Variants in LRRC53 observed in about 807,000 individuals in gnomAD.
The protein encoded by LRRC53 is leucine rich repeat containing 53.
LRRC53 carries 25 observed loss-of-function variants against 13.6 expected under a neutral mutation model. That is an observed-to-expected ratio of 1.83 (90% CI 1.34 to 2.56). The LOEUF is 2.56. LRRC53 is among the 30% of genes most tolerant of loss of function. The probability of loss-of-function intolerance (pLI) is 0.00; values close to 1 mark genes in which losing one functional copy is unlikely to be tolerated. For missense variants in LRRC53, 527 were observed against 275.8 expected (o/e 1.91, Z -6.45); for synonymous variants, 204 against 109.8 (o/e 1.86, Z -5.37).
chr1:74,506,434 T>C (rs1035378315), intron 1 of LRRC53, among the ~76,000 whole-genome samples: 2 of 152,168 alleles, frequency 1.3e-5, no homozygotes, highest in Admixed American at 6.5e-5. Flanking sequence ...CCAAAGCCCA[T>C]GATTTTTTTA....
intron 1 of LRRC53, among the ~76,000 whole-genome samples, chr1:74,486,201 A>AGAGAG (rs1668751420): frequency 7.3e-6 from 1 of 136,412 alleles, no homozygotes; most frequent in East Asian, 2.3e-4. Flanking sequence ...AAATGCTATA[A>AGAGAG]AGAGAGAGAG....
chr1:74,503,083 G>A (rs147812891), intron 1 of LRRC53, among the ~76,000 whole-genome samples: 263 of 152,004 alleles, frequency 1.7e-3, no homozygotes, highest in African/African-American at 5.9e-3. Flanking sequence ...CTCATTAAAC[G>A]TACTCTCCAC....
chr1:74,487,586 G>A (rs116381349), intron 1 of LRRC53, among the ~76,000 whole-genome samples: 1,918 of 152,126 alleles, frequency 0.013, 40 homozygotes, highest in African/African-American at 0.044. Flanking sequence ...GTGGAAGGGA[G>A]TGATAGTTGG....
chr1:74,528,262 C>A, the LRRC53 span, among the ~76,000 whole-genome samples: 1 of 152,214 alleles, frequency 6.6e-6, no homozygotes, highest in East Asian at 1.9e-4. Flanking sequence ...TGTGGGCAGG[C>A]AGCCCAGTGC....
rs1275626902 is a variant in LRRC53 at position 74,469,751 on chromosome 1, A to G, written c.*127T>C. The stretch of plus-strand genomic sequence containing the variant: ...TGGTTTTATTTTATTGATAACAAAG[A>G]GTTACTGAGGACGTTGTTGTCCTCC... On this transcript the variant is annotated 3_prime_UTR_variant, in exon 5 of 5. Coordinates refer to ENST00000294635, the MANE Select transcript of LRRC53 (RefSeq NM_001382280.1). 7.6e-6 allele frequency: 3 copies of G among 396,246 alleles called. No individual in the cohort carries two copies. The highest frequency in any genetic ancestry group is 1.3e-5 in the Non-Finnish European group (3 of 224,784). 24.5% of individuals were successfully genotyped at this position (396,246 alleles called of 1,614,324 possible). A position where few individuals can be genotyped will look rare whatever the true frequency, so the allele number is the denominator to read the frequency against.
At chr1:74,507,914 T>C (rs571475678) in intron 1 of LRRC53, among the ~76,000 whole-genome samples, 3 of 152,308 alleles carry the variant, frequency 2.0e-5, no homozygotes, top group African/African-American at 4.8e-5. Context: ...ATTTGCAGAG[T>C]CCCTATATTG....
At chr1:74,481,551 C>T (rs1668503262) in intron 2 of LRRC53, among the ~76,000 whole-genome samples, 1 of 152,240 alleles carries the variant, frequency 6.6e-6, no homozygotes, top group Non-Finnish European at 1.5e-5. Flanking sequence ...TCAATCCAGA[C>T]AACCCAAGTA....
the LRRC53 span, among the ~76,000 whole-genome samples, chr1:74,526,988 G>A: frequency 6.6e-6 from 1 of 152,304 alleles, no homozygotes; most frequent in African/African-American, 2.4e-5. Flanking sequence ...GGTCCACAAA[G>A]CCTAAAATAT....
intron 1 of LRRC53, among the ~76,000 whole-genome samples, chr1:74,484,619 C>A (rs1320357638): frequency 1.3e-5 from 2 of 151,970 alleles, no homozygotes; most frequent in Non-Finnish European, 2.9e-5. Context: ...AAGGTGAAGG[C>A]ATTAGTGTGT....
intron 1 of LRRC53, among the ~76,000 whole-genome samples, chr1:74,504,602 A>G (rs898333902): frequency 5.9e-5 from 9 of 152,206 alleles, no homozygotes; most frequent in African/African-American, 2.2e-4. Flanking sequence ...AAGTCAAGAT[A>G]TGAGAAGAGC....
At chr1:74,476,507 T>G in intron 3 of LRRC53, among the ~76,000 whole-genome samples, 1 of 152,170 alleles carries the variant, frequency 6.6e-6, no homozygotes, top group East Asian at 1.9e-4. Flanking sequence ...CACATCCTTT[T>G]AGTCCTGTTC....
intron 4 of LRRC53, 64 bp from the exon 5 acceptor site, chr1:74,472,265 T>C: frequency 2.9e-6 from 2 of 701,580 alleles, no homozygotes; most frequent in East Asian, 2.7e-5. Flanking sequence ...ACCAAACAGA[T>C]GCGTAGAAAC....
the LRRC53 span, among the ~76,000 whole-genome samples, chr1:74,534,671 T>C: frequency 2.0e-5 from 3 of 152,334 alleles, no homozygotes; most frequent in Admixed American, 6.5e-5. Flanking sequence ...TTAAATTACA[T>C]AGAGTTTTAG....
At chr1:74,487,707 T>C (rs1366092970) in intron 1 of LRRC53, among the ~76,000 whole-genome samples, 3 of 152,016 alleles carry the variant, frequency 2.0e-5, no homozygotes, top group Admixed American at 2.0e-4. Flanking sequence ...GATAGGCAGA[T>C]GGGTAGGTAG....
At chr1:74,497,593 C>G (rs1024722288) in intron 1 of LRRC53, among the ~76,000 whole-genome samples, 2 of 150,200 alleles carry the variant, frequency 1.3e-5, no homozygotes, top group African/African-American at 2.5e-5. Flanking sequence ...TACACATGCA[C>G]ACACACACAT....
intron 1 of LRRC53, among the ~76,000 whole-genome samples, chr1:74,501,100 A>G (rs1403077739): frequency 6.6e-6 from 1 of 151,906 alleles, no homozygotes; most frequent in East Asian, 1.9e-4. Flanking sequence ...TTCTAGTTGG[A>G]TATTTTTTAA....
chr1:74,495,855 A>G (rs274606), intron 1 of LRRC53, among the ~76,000 whole-genome samples: 102,059 of 152,068 alleles, frequency 0.67, 35,835 homozygotes, highest in African/African-American at 0.88. Context: ...AATAACTTCG[A>G]CTATTTCTCC....
intron 1 of LRRC53, among the ~76,000 whole-genome samples, chr1:74,501,074 G>T (rs1367888973): frequency 1.3e-5 from 2 of 151,844 alleles, no homozygotes; most frequent in Non-Finnish European, 2.9e-5. Flanking sequence ...TTCTTCTTTA[G>T]TATCTCTTTC....
the LRRC53 span, among the ~76,000 whole-genome samples, chr1:74,518,690 A>ATATT: frequency 2.8e-4 from 42 of 152,246 alleles, 1 homozygote; most frequent in South Asian, 4.8e-3. Flanking sequence ...TCTGTTTTTT[A>ATATT]AGCTCAAAAT....
Sources: allele counts gnomAD v4.1 joint callset (sites outside exome capture counted in the v4.1 genomes callset), GRCh38; gene constraint gnomAD v4.1.1; transcripts MANE v1.5; gene names NCBI Gene and HGNC (gene_info 2026-07-23, HGNC 2026-07-21).